Variants in CASP8 observed in about 807,000 individuals in gnomAD.
The protein encoded by CASP8 is caspase-8.
CASP8 carries 24 observed loss-of-function variants against 46.3 expected under a neutral mutation model. The observed-to-expected ratio is 0.52, with a 90% CI of 0.38 to 0.73. The LOEUF is 0.73. CASP8 is among the 30% of genes least tolerant of loss of function. The probability of loss-of-function intolerance (pLI) is 0.00; values close to 1 mark genes in which losing one functional copy is unlikely to be tolerated. For synonymous variants in CASP8, 188 were observed against 200.4 expected, an observed-to-expected ratio of 0.94 and a Z score of 0.52; for missense variants, 460 against 559.0, an observed-to-expected ratio of 0.82 and a Z score of 1.79.
rs1033367911 is a variant in CASP8 at position 201,282,562 on chromosome 2, G to A, written c.803-2254G>A. Reference sequence around the variant, plus strand: ...CCAGATGGGGCGGCTGGCCGGGCGGGGGGCTGACCCCCCCACCGCCCTCCC... The same window carrying A: ...CCAGATGGGGCGGCTGGCCGGGCGGAGGGCTGACCCCCCCACCGCCCTCCC... On this transcript the variant is annotated intron_variant, in intron 7 of 8. Coordinates refer to ENST00000673742, the MANE Select transcript of CASP8 (RefSeq NM_001372051.1). Among the ~76,000 whole-genome samples, 366 of 107,118 alleles carry A rather than the reference G, an allele frequency of 3.4e-3. 2 individuals carry two copies. The highest frequency in any genetic ancestry group is 0.011 in the African/African-American group (353 of 33,010). 70.3% of individuals were successfully genotyped at this position (107,118 alleles called of 152,430 possible).
intron 1 of CASP8, among the ~76,000 whole-genome samples, chr2:201,262,674 T>C (rs888507933): frequency 5.3e-5 from 8 of 152,202 alleles, no homozygotes; most frequent in African/African-American, 1.9e-4. Flanking sequence ...ACTTTTACTG[T>C]TTTTAGGAAC....
chr2:201,236,593 C>CT (rs770126015), intron 2 of CASP8, among the ~76,000 whole-genome samples: 8 of 152,110 alleles, frequency 5.3e-5, no homozygotes, highest in African/African-American at 1.4e-4. Context: ...ATTAAAAAGT[C>CT]TTTTTTTAGA....
chr2:201,244,506 A>T (rs927909639), intron 2 of CASP8, among the ~76,000 whole-genome samples: 4 of 152,126 alleles, frequency 2.6e-5, no homozygotes, highest in Admixed American at 2.6e-4. Context: ...TAAGGGTAGC[A>T]TCTTCCGACT....
At chr2:201,254,974 A>G (rs1047503665) in intron 2 of CASP8, among the ~76,000 whole-genome samples, 1 of 152,240 alleles carries the variant, frequency 6.6e-6, no homozygotes, top group Non-Finnish European at 1.5e-5. Flanking sequence ...TCACACAGGC[A>G]CATGTCTCAA....
intron 7 of CASP8, among the ~76,000 whole-genome samples, chr2:201,281,135 G>A (rs771915029): frequency 3.9e-5 from 6 of 152,040 alleles, no homozygotes; most frequent in South Asian, 2.1e-4. Context: ...CTAACATGGC[G>A]AAACCCTGTC....
chr2:201,242,537 C>T (rs1946345478), intron 2 of CASP8: 1 of 152,174 alleles, frequency 6.6e-6, no homozygotes, highest in Admixed American at 6.5e-5. Flanking sequence ...AAGGTCCCAT[C>T]TCCAAATACC....
At chr2:201,238,468 G>A (rs1315389440) in intron 2 of CASP8, among the ~76,000 whole-genome samples, 1 of 150,678 alleles carries the variant, frequency 6.6e-6, no homozygotes, top group Non-Finnish European at 1.5e-5. Flanking sequence ...TTGAGATGGA[G>A]TCTTACTCTG....
At chr2:201,280,900 A>C (rs139825440) in intron 7 of CASP8, among the ~76,000 whole-genome samples, 120 of 152,378 alleles carry the variant, frequency 7.9e-4, no homozygotes, top group Non-Finnish European at 1.5e-3. Flanking sequence ...AGTGTTAAGC[A>C]TATAGGAAAC....
chr2:201,255,154 G>T (rs1946958308), intron 2 of CASP8, among the ~76,000 whole-genome samples: 1 of 152,144 alleles, frequency 6.6e-6, no homozygotes, highest in African/African-American at 2.4e-5. Flanking sequence ...TGTCATCTCG[G>T]CTCACTGCAA....
intron 2 of CASP8, chr2:201,242,717 A>C (rs571402439): frequency 6.6e-6 from 1 of 152,328 alleles, no homozygotes; most frequent in South Asian, 2.1e-4. Flanking sequence ...GACCACAAAT[A>C]GCTAAATCAG....
chr2:201,283,400 C>A, intron 7 of CASP8, among the ~76,000 whole-genome samples: 2 of 59,408 alleles, frequency 3.4e-5, no homozygotes, highest in African/African-American at 5.7e-5. Context: ...GGGGGCTGAC[C>A]CCCCACCTCC....
intron 2 of CASP8, among the ~76,000 whole-genome samples, chr2:201,268,756 C>T (rs145284867): frequency 2.6e-5 from 4 of 152,238 alleles, no homozygotes; most frequent in East Asian, 1.9e-4. Context: ...TTCCCTGCTT[C>T]GGGTGGGTGG....
At chr2:201,253,393 T>C (rs991230584) in intron 2 of CASP8, among the ~76,000 whole-genome samples, 2 of 150,644 alleles carry the variant, frequency 1.3e-5, no homozygotes, top group Non-Finnish European at 3.0e-5. Context: ...ACTTCACTTT[T>C]CTGAGCTTTC....
intron 2 of CASP8, among the ~76,000 whole-genome samples, chr2:201,237,134 A>C (rs1946087795): frequency 8.0e-6 from 1 of 124,980 alleles, no homozygotes; most frequent in South Asian, 2.4e-4. Flanking sequence ...TGTGTCGCCC[A>C]GGCTGGAGTG....
chr2:201,267,028 C>T (rs1468240763), intron 2 of CASP8, among the ~76,000 whole-genome samples: 3 of 152,060 alleles, frequency 2.0e-5, no homozygotes, highest in African/African-American at 7.2e-5. Flanking sequence ...AGAGAAACCA[C>T]ATTCAGTATC....
At chr2:201,252,895 A>AG (rs1274484059) in intron 2 of CASP8, among the ~76,000 whole-genome samples, 1 of 152,096 alleles carries the variant, frequency 6.6e-6, no homozygotes, top group African/African-American at 2.4e-5. Context: ...CTTATTATGG[A>AG]GGGGGAAAAA....
intron 7 of CASP8, among the ~76,000 whole-genome samples, chr2:201,283,095 T>C (rs1576376587): frequency 1.6e-5 from 1 of 60,990 alleles, no homozygotes; most frequent in African/African-American, 5.2e-5. Context: ...GGCGGGGGGC[T>C]GACCCCCCCA....
intron 2 of CASP8, among the ~76,000 whole-genome samples, chr2:201,234,456 A>ATT (rs548495312): frequency 6.8e-6 from 1 of 147,526 alleles, no homozygotes; most frequent in African/African-American, 2.5e-5. Flanking sequence ...ATTCTTTTTT[A>ATT]TTTTTTTTTT....
intron 2 of CASP8, among the ~76,000 whole-genome samples, chr2:201,237,292 T>C (rs1314759591): frequency 1.3e-5 from 2 of 151,384 alleles, no homozygotes; most frequent in Admixed American, 6.6e-5. Flanking sequence ...GGTTTCAACA[T>C]GTTAGCCAGG....
Sources: allele counts gnomAD v4.1 joint callset (sites outside exome capture counted in the v4.1 genomes callset), GRCh38; gene constraint gnomAD v4.1.1; transcripts MANE v1.5; gene names NCBI Gene and HGNC (gene_info 2026-07-23, HGNC 2026-07-21).